PRSS3: variants seen among roughly 807,000 people sequenced by gnomAD.
The protein encoded by PRSS3 is serine protease 3, also known as trypsin-3.
Under a neutral mutation model 20.8 loss-of-function variants are expected in PRSS3, and 14 were observed. The ratio of observed to expected loss-of-function variants is 0.67; its 90% confidence interval spans 0.44 to 1.05. The LOEUF (loss-of-function observed/expected upper bound fraction) is 1.05, where lower values mean the gene tolerates loss of function less well. Ranked by LOEUF, PRSS3 falls within the 50% of genes least tolerant of loss-of-function variation. The pLI is 0.00. For missense variants in PRSS3, 237 were observed against 306.4 expected, an observed-to-expected ratio of 0.77 and a Z score of 1.69; for synonymous variants, 91 against 117.6, an observed-to-expected ratio of 0.77 and a Z score of 1.46.
chr9:33,795,528 G>A (rs758720619), upstream of PRSS3: 2 of 1,571,268 alleles, frequency 1.3e-6, no homozygotes, highest in Non-Finnish European at 1.7e-6. Flanking sequence ...TCTTGGAAGG[G>A]TATAAGGACA....
intron 1 of PRSS3, among the ~76,000 whole-genome samples, chr9:33,772,366 G>A (rs1823748273): frequency 6.6e-6 from 1 of 152,100 alleles, no homozygotes; most frequent in Non-Finnish European, 1.5e-5. Flanking sequence ...TGGCTGTGGG[G>A]CCATCCTGTG....
intron 1 of PRSS3, among the ~76,000 whole-genome samples, chr9:33,766,460 C>A (rs1317217987): frequency 1.3e-5 from 2 of 151,936 alleles, no homozygotes; most frequent in East Asian, 3.9e-4. Context: ...GTAGTCCCAG[C>A]TACTCGGGAG....
At chr9:33,753,907 T>A (rs899553930) in intron 1 of PRSS3, among the ~76,000 whole-genome samples, 5 of 152,224 alleles carry the variant, frequency 3.3e-5, no homozygotes, top group African/African-American at 1.2e-4. Context: ...TGAACTCATC[T>A]GAGACAGGTT....
At chr9:33,782,634 G>C (rs755708933) in intron 1 of PRSS3, among the ~76,000 whole-genome samples, 25 of 152,188 alleles carry the variant, frequency 1.6e-4, no homozygotes, top group Non-Finnish European at 2.8e-4. Flanking sequence ...CAAAAGGACA[G>C]ACAAATAGAA....
intron 1 of PRSS3, among the ~76,000 whole-genome samples, chr9:33,772,485 C>A (rs1312875734): frequency 6.6e-6 from 1 of 152,118 alleles, no homozygotes; most frequent in Non-Finnish European, 1.5e-5. Context: ...AATGGCTTAA[C>A]CTTGTACTGT....
At chr9:33,790,732 A>G (rs1824595489), upstream of PRSS3, among the ~76,000 whole-genome samples, 1 of 152,224 alleles carries the variant, frequency 6.6e-6, no homozygotes, top group Non-Finnish European at 1.5e-5. Context: ...GTGTACTCAC[A>G]AATGCACTGA....
chr9:33,788,353 G>A (rs572442993), intron 1 of PRSS3, among the ~76,000 whole-genome samples: 6 of 152,300 alleles, frequency 3.9e-5, no homozygotes, highest in African/African-American at 1.4e-4. Flanking sequence ...TGTAATGGAT[G>A]CCTTATAATG....
intron 1 of PRSS3, among the ~76,000 whole-genome samples, chr9:33,762,775 G>T (rs897018572): frequency 1.1e-4 from 17 of 152,200 alleles, no homozygotes; most frequent in African/African-American, 3.9e-4. Flanking sequence ...TTTAGGGTCA[G>T]CTACTCAAAA....
intron 1 of PRSS3, among the ~76,000 whole-genome samples, chr9:33,762,599 G>A (rs113458524): frequency 5.6e-4 from 85 of 152,154 alleles, no homozygotes; most frequent in Non-Finnish European, 8.2e-4. Context: ...AGTTCGTGCC[G>A]GCAAGGACAG....
At chr9:33,770,809 C>T (rs1474373021) in intron 1 of PRSS3, among the ~76,000 whole-genome samples, 2 of 152,112 alleles carry the variant, frequency 1.3e-5, no homozygotes, top group Non-Finnish European at 2.9e-5. Context: ...ACTGTCTTAC[C>T]AGCCCTAGCA....
chr9:33,750,918 G>A lies in PRSS3; in HGVS notation c.-53+191G>A. 1.6e-6 allele frequency: 2 copies of A among 1,284,166 alleles called. No individual in the cohort carries two copies. Among genetic ancestry groups the A allele is most frequent in the Non-Finnish European group, 2.0e-6 (2 of 1,007,398 alleles). 79.5% of individuals were successfully genotyped at this position (1,284,166 alleles called of 1,614,324 possible). A position where few individuals can be genotyped will look rare whatever the true frequency, so the allele number is the denominator to read the frequency against. On this transcript the variant is annotated intron_variant, in intron 1 of 5. Transcript: ENST00000342836. The surrounding 1 kb of genome is among the most constrained non-coding windows in gnomAD (Gnocchi z 4.8). ...GGGACAGGGATGGAGGCTCCTCTAG[G>A]GGAGGACGGGAGGGGATGGAGGGCC...
intron 1 of PRSS3, among the ~76,000 whole-genome samples, chr9:33,764,650 G>A (rs2380866): frequency 0.32 from 48,070 of 152,054 alleles, 8,536 homozygotes; most frequent in East Asian, 0.57. Flanking sequence ...TGGATATAAC[G>A]TCAAAAGCAC....
chr9:33,758,943 G>T (rs1823065040), intron 1 of PRSS3, among the ~76,000 whole-genome samples: 1 of 152,186 alleles, frequency 6.6e-6, no homozygotes, highest in Admixed American at 6.5e-5. Flanking sequence ...CAAGACATAT[G>T]TCACTATATA....
intron 1 of PRSS3, among the ~76,000 whole-genome samples, chr9:33,787,508 T>C (rs1406326718): frequency 6.6e-6 from 1 of 152,212 alleles, no homozygotes; most frequent in Non-Finnish European, 1.5e-5. Flanking sequence ...ATGCAATGCT[T>C]AGTCTTTGGA....
chr9:33,783,112 G>A (rs998066091), intron 1 of PRSS3, among the ~76,000 whole-genome samples: 1 of 152,148 alleles, frequency 6.6e-6, no homozygotes, highest in Non-Finnish European at 1.5e-5. Context: ...AAGAAACTTT[G>A]CATAGAAGAG....
At chr9:33,759,927 G>A (rs1346054926) in intron 1 of PRSS3, among the ~76,000 whole-genome samples, 2 of 152,242 alleles carry the variant, frequency 1.3e-5, no homozygotes, top group Non-Finnish European at 2.9e-5. Flanking sequence ...ACTGGCAGTG[G>A]ATGCTGAGGG....
At chr9:33,786,190 CT>C in intron 1 of PRSS3, 4 of 480,036 alleles carry the variant, frequency 8.3e-6, no homozygotes, top group Non-Finnish European at 7.5e-6. Context: ...TTCTTAGTGC[CT>C]TTTCTCAGGG....
chr9:33,752,074 T>C (rs1438910724), intron 1 of PRSS3, among the ~76,000 whole-genome samples: 1 of 152,238 alleles, frequency 6.6e-6, no homozygotes, highest in Non-Finnish European at 1.5e-5. Flanking sequence ...AGCCAAGCAT[T>C]CCACTTCCTT....
chr9:33,798,457 T>G, intron 3 of PRSS3, 29 bp from the exon 4 acceptor site: 1 of 1,610,754 alleles, frequency 6.2e-7, no homozygotes, highest in East Asian at 2.2e-5. Context: ...ACATTTCTAC[T>G]TTCTTTGATC....
Sources: gnomAD v4.1 joint callset for allele counts (sites outside exome capture counted in the v4.1 genomes callset) on GRCh38, gnomAD v4.1.1 for gene constraint, Gnocchi (gnomAD v3.1) non-coding constraint, MANE v1.5 for transcripts, NCBI Gene and HGNC (gene_info 2026-07-23, HGNC 2026-07-21) for gene names.